Variants in PGAP2 observed in about 807,000 individuals in gnomAD.
The protein encoded by PGAP2 is acyltransferase PGAP2.
PGAP2 carries 21 observed loss-of-function variants against 33.2 expected under a neutral mutation model. That is an observed-to-expected ratio of 0.63 (90% CI 0.45 to 0.91). PGAP2 has a LOEUF of 0.91. Among genes scored for constraint, PGAP2 ranks in the 40% least tolerant of loss-of-function variants. The pLI, the probability that PGAP2 is intolerant of heterozygous loss-of-function variation, is 0.00. For missense variants in PGAP2, 345 were observed against 424.0 expected (o/e 0.81, Z 1.64); for synonymous variants, 161 against 172.9 (o/e 0.93, Z 0.54).
At chr11:3,800,870 C>T (rs569458544) in intron 1 of PGAP2, among the ~76,000 whole-genome samples, 24 of 150,764 alleles carry the variant, frequency 1.6e-4, no homozygotes, top group African/African-American at 2.9e-4. Flanking sequence ...TGGTGGCTCA[C>T]GCCTATAATC....
intron 2 of PGAP2, 26 bp from the exon 3 acceptor site, chr11:3,817,327 C>T (rs557138984): frequency 7.6e-6 from 12 of 1,588,512 alleles, no homozygotes; most frequent in Non-Finnish European, 1.0e-5. Flanking sequence ...TACCAGGCCC[C>T]AAGTTGTATC....
intron 2 of PGAP2, among the ~76,000 whole-genome samples, chr11:3,816,861 G>A (rs2087149597): frequency 6.6e-6 from 1 of 152,202 alleles, no homozygotes. Flanking sequence ...ACGGTCCTTT[G>A]TTAGTTGGCC....
At chr11:3,804,656 A>C (rs139808093), upstream of PGAP2, among the ~76,000 whole-genome samples, 766 of 150,824 alleles carry the variant, frequency 5.1e-3, 10 homozygotes, top group African/African-American at 0.018. Context: ...CAACCCAACA[A>C]ATATTTTCTT....
intron 2 of PGAP2, among the ~76,000 whole-genome samples, chr11:3,814,748 T>TTCTCTTTC (rs1330914268): frequency 8.9e-6 from 1 of 112,656 alleles, no homozygotes; most frequent in Admixed American, 9.4e-5. Flanking sequence ...TCTTTCCTTC[T>TTCTCTTTC]TTTCTTTCTT....
At chr11:3,814,839 CTTCT>C (rs1443993855) in intron 2 of PGAP2, among the ~76,000 whole-genome samples, 2 of 94,198 alleles carry the variant, frequency 2.1e-5, no homozygotes, top group East Asian at 6.3e-4. Flanking sequence ...TCTTTTTTTC[CTTCT>C]TTCTTTCCTT....
intron 3 of PGAP2, among the ~76,000 whole-genome samples, chr11:3,821,414 A>G (rs1277348537): frequency 1.3e-5 from 2 of 152,242 alleles, no homozygotes; most frequent in African/African-American, 4.8e-5. Context: ...AAGTGCACAG[A>G]AAGTGTGGGC....
intron 3 of PGAP2, 148 bp downstream of exon 3, chr11:3,817,683 A>G (rs1316402799): frequency 1.4e-6 from 1 of 715,302 alleles, no homozygotes; most frequent in Non-Finnish European, 2.5e-6. Flanking sequence ...AGAGTCAGAG[A>G]TAATTCATGG....
intron 1 of PGAP2, chr11:3,798,170 C>T: frequency 7.3e-6 from 10 of 1,364,434 alleles, no homozygotes; most frequent in South Asian, 1.6e-5. Context: ...TCTCTCCTGA[C>T]CCATGCTCGC....
At chr11:3,823,024 CTTTTTTTT>C (rs746736798) in intron 3 of PGAP2, 427 of 307,566 alleles carry the variant, frequency 1.4e-3, no homozygotes, top group African/African-American at 2.3e-3. Flanking sequence ...TTTTTCTTTT[CTTTTTTTT>C]TTTTTTTTTT....
upstream of PGAP2, among the ~76,000 whole-genome samples, chr11:3,804,196 T>C (rs541881062): frequency 2.0e-5 from 3 of 152,214 alleles, no homozygotes; most frequent in South Asian, 2.1e-4. Flanking sequence ...CTTACCAAAG[T>C]GTCATGCTCA....
chr11:3,822,187 AC>A (rs1365079425), intron 3 of PGAP2, among the ~76,000 whole-genome samples: 2 of 151,708 alleles, frequency 1.3e-5, no homozygotes, highest in African/African-American at 4.9e-5. Context: ...ACACGGTGAA[AC>A]CCCGTCTCTA....
upstream of PGAP2, chr11:3,808,245 G>A: frequency 3.9e-6 from 6 of 1,548,484 alleles, no homozygotes; most frequent in Non-Finnish European, 5.2e-6. Context: ...ACGGGCGGAT[G>A]AGAAAGAAAT....
intron 4 of PGAP2, 59 bp from the exon 5 acceptor site, chr11:3,824,211 T>C: frequency 1.9e-6 from 3 of 1,612,382 alleles, no homozygotes; most frequent in Admixed American, 3.3e-5. Flanking sequence ...ATTCGGACCT[T>C]CCTACTTCGT....
Position 3,817,530 on chromosome 11 carries a change from T to C in PGAP2, c.343T>C (p.Cys115Arg). 1 of 1,613,812 alleles carries C rather than the reference T, an allele frequency of 6.2e-7. No individual in the cohort carries two copies. The change falls in exon 3 of 7, where the codon TGT (cysteine) becomes CGT (arginine). Residue 115 changes from cysteine (C) to arginine (R), a missense_variant. Physicochemically the swap from Cys to Arg is radical, Grantham distance 180. This residue lies in a region of PGAP2 where 311 missense variants were observed against 353.6 expected (regional missense o/e 0.88). Coordinates refer to ENST00000278243, the MANE Select transcript of PGAP2 (RefSeq NM_014489.4). ...FHFEYTVATD[C>R]GVPNYLPSVS... ...CTTTGAGTACACGGTGGCCACTGAC[T>C]GTGGGGTGAGTGCCAGCTCCCCAGC...
chr11:3,816,437 G>A (rs951455725), intron 2 of PGAP2, among the ~76,000 whole-genome samples: 9 of 152,132 alleles, frequency 5.9e-5, no homozygotes, highest in African/African-American at 1.2e-4. Context: ...GGGGTTGTGA[G>A]GGGGAGTTGT....
In PGAP2 at chr11:3,824,274, C is replaced by T. The variant is rs780919622; in HGVS notation, c.606C>T (p.Ile202=). 41 of 1,614,088 alleles carry T rather than the reference C, an allele frequency of 2.5e-5. No homozygotes were observed. The highest frequency in any genetic ancestry group is 1.6e-4 in the Middle Eastern group (1 of 6,084). Residue 202 remains isoleucine (I), a synonymous_variant, in exon 5 of 7, where the codon ATC becomes ATT. Transcript: ENST00000278243. The part of the protein sequence containing the change: ...TYVSSSEDFT[I]HENAFIVFIA... ...CCCAATCCTCTTTCCCTCCAGCCATCCACGAAAATGCTTTCATTGTGTTCA... is the reference window on the plus strand; with the variant it reads ...CCCAATCCTCTTTCCCTCCAGCCATTCACGAAAATGCTTTCATTGTGTTCA...
chr11:3,803,937 C>T (rs866411339), upstream of PGAP2, among the ~76,000 whole-genome samples: 1 of 151,862 alleles, frequency 6.6e-6, no homozygotes, highest in African/African-American at 2.4e-5. Flanking sequence ...ACTTCAGGCG[C>T]GTGCCACCAC....
In PGAP2 at chr11:3,825,325, C is replaced by G; in HGVS notation, c.818-3C>G. 6.2e-7 allele frequency: 1 copy of G among 1,613,016 alleles called. No individual in the cohort carries two copies. Among genetic ancestry groups the G allele is most frequent in the Non-Finnish European group, 8.5e-7 (1 of 1,179,412 alleles). Reference sequence around the variant, plus strand: ...TGTCCTGTTCCTTGTGTCCTCACAACAGTGTACACCATCTTTGCCATCCTG... The same window carrying G: ...TGTCCTGTTCCTTGTGTCCTCACAAGAGTGTACACCATCTTTGCCATCCTG... On this transcript the variant is annotated splice_region_variant and splice_polypyrimidine_tract_variant and intron_variant, in intron 6 of 6. Transcript: ENST00000278243.
chr11:3,821,717 C>G (rs1383308068), intron 3 of PGAP2, among the ~76,000 whole-genome samples: 1 of 149,790 alleles, frequency 6.7e-6, no homozygotes, highest in African/African-American at 2.5e-5. Flanking sequence ...AAAATTGCGC[C>G]ACTGCACTCC....
Sources: allele counts gnomAD v4.1 joint callset (sites outside exome capture counted in the v4.1 genomes callset), GRCh38; gene constraint gnomAD v4.1.1; regional missense constraint gnomAD v4.1.1; transcripts MANE v1.5; gene names NCBI Gene and HGNC (gene_info 2026-07-23, HGNC 2026-07-21).